Variants in SLC24A2 observed in about 807,000 individuals in gnomAD.
The protein encoded by SLC24A2 is solute carrier family 24 member 2.
Under a neutral mutation model 62.0 loss-of-function variants are expected in SLC24A2, and 36 were observed. The observed-to-expected ratio is 0.58, with a 90% CI of 0.44 to 0.77. The LOEUF (loss-of-function observed/expected upper bound fraction) is 0.77, where lower values mean the gene tolerates loss of function less well. Ranked by LOEUF, SLC24A2 falls within the 30% of genes least tolerant of loss-of-function variation. The pLI, the probability that SLC24A2 is intolerant of heterozygous loss-of-function variation, is 0.00. For missense variants in SLC24A2, 846 were observed against 817.9 expected (o/e 1.03, Z -0.42); for synonymous variants, 358 against 294.0 (o/e 1.22, Z -2.23).
At chr9:19,857,431 T>G in the SLC24A2 span, among the ~76,000 whole-genome samples, 1 of 152,212 alleles carries the variant, frequency 6.6e-6, no homozygotes, top group East Asian at 1.9e-4. Context: ...AGATTAGATA[T>G]GAACATCTTT....
At chr9:20,272,017 T>G in the SLC24A2 span, among the ~76,000 whole-genome samples, 1 of 152,212 alleles carries the variant, frequency 6.6e-6, no homozygotes, top group African/African-American at 2.4e-5. Flanking sequence ...TCACAAGAAC[T>G]TGGGGCTACT....
the SLC24A2 span, among the ~76,000 whole-genome samples, chr9:20,012,521 C>T: frequency 1.3e-5 from 2 of 151,844 alleles, no homozygotes; most frequent in African/African-American, 4.8e-5. Context: ...CAACATAGTA[C>T]AGAAAGTCCT....
At chr9:20,258,263 A>G in the SLC24A2 span, among the ~76,000 whole-genome samples, 57 of 152,350 alleles carry the variant, frequency 3.7e-4, no homozygotes, top group African/African-American at 1.3e-3. Context: ...TAGCTGGTAA[A>G]GCATTAATTA....
chr9:19,812,361 T>G, the SLC24A2 span, among the ~76,000 whole-genome samples: 4 of 152,134 alleles, frequency 2.6e-5, no homozygotes, highest in African/African-American at 9.6e-5. Flanking sequence ...TTTTATATCC[T>G]GTTTTCTCTT....
At chr9:19,776,789 G>C (rs930613620) in intron 2 of SLC24A2, among the ~76,000 whole-genome samples, 5 of 152,216 alleles carry the variant, frequency 3.3e-5, no homozygotes, top group Non-Finnish European at 7.3e-5. Flanking sequence ...GAATGTATTA[G>C]ATTGCTGCTT....
chr9:20,300,401 T>A, the SLC24A2 span, among the ~76,000 whole-genome samples: 1 of 152,220 alleles, frequency 6.6e-6, no homozygotes, highest in Non-Finnish European at 1.5e-5. Flanking sequence ...TAAAATGGCC[T>A]TGTCAAAGCC....
At chr9:20,082,729 G>A in the SLC24A2 span, among the ~76,000 whole-genome samples, 3 of 152,238 alleles carry the variant, frequency 2.0e-5, no homozygotes, top group Non-Finnish European at 2.9e-5. Context: ...TCCCCATGGT[G>A]GGGGAGCAAG....
chr9:19,789,211 T>C (rs918527617), upstream of SLC24A2, among the ~76,000 whole-genome samples: 1 of 152,156 alleles, frequency 6.6e-6, no homozygotes, highest in African/African-American at 2.4e-5. Flanking sequence ...TCTTAGGAGA[T>C]TTCTCCGCAG....
At chr9:19,757,037 A>C (rs138679940) in intron 2 of SLC24A2, among the ~76,000 whole-genome samples, 91 of 150,540 alleles carry the variant, frequency 6.0e-4, no homozygotes, top group Non-Finnish European at 1.2e-3. Flanking sequence ...AGCCTCCAAA[A>C]GCATTAGGGT....
At chr9:19,883,660 G>T in the SLC24A2 span, among the ~76,000 whole-genome samples, 2 of 151,862 alleles carry the variant, frequency 1.3e-5, no homozygotes, top group African/African-American at 4.8e-5. Context: ...CCGCCTCCTG[G>T]GTTCAAGCCA....
At chr9:19,716,801 C>T (rs1445507129) in intron 2 of SLC24A2, among the ~76,000 whole-genome samples, 1 of 152,102 alleles carries the variant, frequency 6.6e-6, no homozygotes, top group Non-Finnish European at 1.5e-5. Flanking sequence ...CACATGTTTT[C>T]TGCTTTTTTA....
chr9:20,201,908 C>T, the SLC24A2 span, among the ~76,000 whole-genome samples: 1 of 151,888 alleles, frequency 6.6e-6, no homozygotes, highest in Non-Finnish European at 1.5e-5. Flanking sequence ...TGTACAGCCA[C>T]ACATCAGCAG....
At chr9:19,761,464 ATTTTT>A (rs757053703) in intron 2 of SLC24A2, among the ~76,000 whole-genome samples, 3 of 131,138 alleles carry the variant, frequency 2.3e-5, no homozygotes, top group African/African-American at 9.8e-5. Flanking sequence ...TCATTTTTTA[ATTTTT>A]TTATTTTATT....
In SLC24A2 at chr9:19,573,485, A is replaced by AACAC. The variant is rs59489637; in HGVS notation, c.1229-20_1229-17dup. 2,876 of 813,084 alleles carry AACAC rather than the reference A, an allele frequency of 3.5e-3. 6 individuals carry two copies. The highest frequency in any genetic ancestry group is 6.4e-3 in the Middle Eastern group (24 of 3,764). The allele number at this position is 813,084 out of a possible 1,614,324, so 50.4% of individuals were successfully genotyped here. On this transcript the variant is annotated splice_polypyrimidine_tract_variant and intron_variant, in intron 6 of 10. Coordinates refer to ENST00000341998, the MANE Select transcript of SLC24A2 (RefSeq NM_020344.4). ...TCAATTTTTTCTGTGATATAATTTA[A>AACAC]ACACACACACACACACACACACACA...
the SLC24A2 span, among the ~76,000 whole-genome samples, chr9:19,907,482 T>C: frequency 6.6e-6 from 1 of 152,128 alleles, no homozygotes. Context: ...GCCAGGGCAA[T>C]CAGGCAGGAG....
At chr9:19,636,309 C>CTTTTCTTTTCTT (rs1818323218) in intron 2 of SLC24A2, among the ~76,000 whole-genome samples, 2 of 40,438 alleles carry the variant, frequency 4.9e-5, no homozygotes, top group Admixed American at 2.6e-4. Context: ...CTTTTCTTTT[C>CTTTTCTTTTCTT]TTTTCTTTTC....
At chr9:19,610,639 T>C (rs1469589014) in intron 4 of SLC24A2, among the ~76,000 whole-genome samples, 1 of 152,200 alleles carries the variant, frequency 6.6e-6, no homozygotes, top group African/African-American at 2.4e-5. Context: ...CAGCAAATAC[T>C]GACCAAGCAC....
chr9:19,716,088 A>G (rs1324053365), intron 2 of SLC24A2, among the ~76,000 whole-genome samples: 1 of 152,238 alleles, frequency 6.6e-6, no homozygotes, highest in Non-Finnish European at 1.5e-5. Context: ...TAGAACAGAG[A>G]AAGATAAATA....
At chr9:20,108,954 G>A in the SLC24A2 span, among the ~76,000 whole-genome samples, 1 of 152,188 alleles carries the variant, frequency 6.6e-6, no homozygotes, top group South Asian at 2.1e-4. Context: ...TATACTGACA[G>A]TAGTCACATA....
Sources: gnomAD v4.1 joint callset for allele counts (sites outside exome capture counted in the v4.1 genomes callset) on GRCh38, gnomAD v4.1.1 for gene constraint, MANE v1.5 for transcripts, NCBI Gene and HGNC (gene_info 2026-07-23, HGNC 2026-07-21) for gene names.